CNTN4: variants seen among roughly 807,000 people sequenced by gnomAD.
The protein encoded by CNTN4 is contactin-4.
In CNTN4, 77 loss-of-function variants were observed where a neutral mutation model predicts 122.5. That is an observed-to-expected ratio of 0.63 (90% confidence interval 0.52 to 0.76). CNTN4 has a LOEUF of 0.76. CNTN4 is among the 30% of genes least tolerant of loss of function. CNTN4 has a pLI of 0.00. For synonymous variants in CNTN4, 512 were observed against 447.0 expected (o/e 1.15, Z -1.83); for missense variants, 1,256 against 1,259.1 (o/e 1.00, Z 0.04).
At chr3:2,125,201 T>C (rs2125239257) in intron 2 of CNTN4, among the ~76,000 whole-genome samples, 1 of 152,290 alleles carries the variant, frequency 6.6e-6, no homozygotes, top group South Asian at 2.1e-4. Context: ...CTTATATAAG[T>C]AGAATCACCC....
chr3:2,705,275 G>A (rs1039689286), intron 4 of CNTN4, among the ~76,000 whole-genome samples: 3 of 147,984 alleles, frequency 2.0e-5, no homozygotes, highest in Non-Finnish European at 4.5e-5. Flanking sequence ...AGCTGAGGCA[G>A]GAGAATGGCG....
intron 13 of CNTN4, among the ~76,000 whole-genome samples, chr3:2,943,094 G>A (rs1013859717): frequency 1.3e-5 from 2 of 152,178 alleles, no homozygotes; most frequent in Non-Finnish European, 2.9e-5. Context: ...GTAGGGCAAA[G>A]AGAAACGTGA....
At chr3:2,158,603 A>G (rs751446995) in intron 2 of CNTN4, among the ~76,000 whole-genome samples, 2 of 152,224 alleles carry the variant, frequency 1.3e-5, no homozygotes, top group Admixed American at 1.3e-4. Context: ...ATGGAAGTGA[A>G]TATGTCCACA....
intron 2 of CNTN4, among the ~76,000 whole-genome samples, chr3:2,168,483 A>G (rs2036298875): frequency 6.6e-6 from 1 of 152,152 alleles, no homozygotes; most frequent in South Asian, 2.1e-4. Context: ...AAAAATGTAA[A>G]TGCATCATTC....
At chr3:2,407,098 A>C (rs1340291059) in intron 3 of CNTN4, among the ~76,000 whole-genome samples, 2 of 152,208 alleles carry the variant, frequency 1.3e-5, no homozygotes, top group Admixed American at 6.5e-5. Flanking sequence ...TGAAGTGAAC[A>C]ACTTTTATTT....
chr3:2,141,009 T>C (rs939896216), intron 2 of CNTN4, among the ~76,000 whole-genome samples: 1 of 152,238 alleles, frequency 6.6e-6, no homozygotes, highest in South Asian at 2.1e-4. Context: ...TTACAGGTTA[T>C]GTGAAACTTT....
intron 3 of CNTN4, among the ~76,000 whole-genome samples, chr3:2,353,429 A>G (rs758134102): frequency 2.0e-5 from 3 of 152,094 alleles, no homozygotes; most frequent in Non-Finnish European, 4.4e-5. Flanking sequence ...CACATTGTGG[A>G]AGCTTTGTTC....
Position 2,501,830 on chromosome 3 carries a change from G to A in CNTN4, c.-88-69586G>A, listed in dbSNP as rs138425515. Among the ~76,000 whole-genome samples, 301 of 152,088 alleles carry A rather than the reference G, an allele frequency of 2.0e-3. 1 individual carries two copies. The highest frequency in any genetic ancestry group is 7.0e-3 in the African/African-American group (289 of 41,490). ...CCAAATCTGAAACTTTTTGAGCCTC[G>A]ACATAACACCTAGATTCCACCATTT... On this transcript the variant is annotated intron_variant, in intron 3 of 24. Transcript: ENST00000418658.
intron 4 of CNTN4, among the ~76,000 whole-genome samples, chr3:2,731,549 TG>T (rs1383741958): frequency 2.0e-5 from 3 of 152,212 alleles, no homozygotes; most frequent in Non-Finnish European, 2.9e-5. Flanking sequence ...GGTGAGCTCT[TG>T]GCAATCTTAC....
intron 7 of CNTN4, among the ~76,000 whole-genome samples, chr3:2,854,050 C>G (rs1477142035): frequency 1.3e-5 from 2 of 152,116 alleles, no homozygotes; most frequent in Middle Eastern, 6.3e-3. Context: ...CAAGGCAGAA[C>G]CGGACCATTG....
intron 2 of CNTN4, among the ~76,000 whole-genome samples, chr3:2,153,540 C>T (rs137905761): frequency 6.8e-4 from 104 of 152,194 alleles, no homozygotes; most frequent in Middle Eastern, 3.4e-3. Context: ...CGGAGAGCAA[C>T]TGGAGATAGA....
intron 2 of CNTN4, among the ~76,000 whole-genome samples, chr3:2,206,583 G>A (rs1463613870): frequency 6.6e-6 from 1 of 152,044 alleles, no homozygotes; most frequent in Non-Finnish European, 1.5e-5. Context: ...AGTGATACCA[G>A]GAATGACTTT....
In CNTN4 at chr3:2,226,589, A is replaced by G. The variant is rs571948367; in HGVS notation, c.-144-112589A>G. ...CATTTCATTAATTATGCTCAGAGGT[A>G]GTGGTATCTGAGGCAAACAACCCTT... is the stretch of plus-strand genomic sequence containing the variant. On this transcript the variant is annotated intron_variant, in intron 2 of 24. Coordinates refer to ENST00000418658, the MANE Select transcript of CNTN4 (RefSeq NM_175607.3). Among the ~76,000 whole-genome samples the G allele has an allele frequency of 3.0e-4, 46 of 152,272 alleles. No homozygotes were observed. In the South Asian group the frequency reaches 9.5e-3, roughly 32 times the overall value.
chr3:2,782,724 G>A (rs778697455), intron 6 of CNTN4, among the ~76,000 whole-genome samples: 2 of 152,046 alleles, frequency 1.3e-5, no homozygotes, highest in Non-Finnish European at 2.9e-5. Flanking sequence ...CCCATTCCCT[G>A]GGGCTTTCAG....
chr3:2,694,443 C>G (rs2085909702), intron 4 of CNTN4, among the ~76,000 whole-genome samples: 3 of 152,160 alleles, frequency 2.0e-5, no homozygotes, highest in Admixed American at 2.0e-4. Flanking sequence ...AAAGGACAGT[C>G]AAGAATTGAA....
rs534727843 is a variant in CNTN4, at chr3:2,385,214, C to T, written c.-89+45981C>T. ...ACTCTTTTTAAAAATAATCTGTCTA[C>T]TACTCAACTTTCTACTCAGTTTTTT... On this transcript the variant is annotated intron_variant, in intron 3 of 24. Coordinates refer to ENST00000418658, the MANE Select transcript of CNTN4 (RefSeq NM_175607.3). This position sits in a 1 kb window ranked among gnomAD's most constrained non-coding sequence, Gnocchi z 4.0. 6.6e-6 allele frequency among the ~76,000 whole-genome samples: 1 copy of T among 152,034 alleles called. No homozygotes were observed. The highest frequency in any genetic ancestry group is 6.6e-5 in the Admixed American group (1 of 15,262).
intron 6 of CNTN4, among the ~76,000 whole-genome samples, chr3:2,786,395 T>C (rs9310851): frequency 1 from 152,306 of 152,306 alleles, 76,153 homozygotes; most frequent in Non-Finnish European, 1. Context: ...GCACAGAGTG[T>C]TGCTCCTGCC....
intron 3 of CNTN4, among the ~76,000 whole-genome samples, chr3:2,421,083 G>T (rs907828424): frequency 6.6e-6 from 1 of 152,092 alleles, no homozygotes; most frequent in Non-Finnish European, 1.5e-5. Flanking sequence ...CCTGTTGAAA[G>T]AGTCTGCAGA....
intron 2 of CNTN4, among the ~76,000 whole-genome samples, chr3:2,236,906 G>C (rs750317459): frequency 6.6e-6 from 1 of 152,128 alleles, no homozygotes; most frequent in African/African-American, 2.4e-5. Context: ...AAGAGAGATC[G>C]TGCCAGAAGA....
Sources: gnomAD v4.1 joint callset for allele counts (sites outside exome capture counted in the v4.1 genomes callset) on GRCh38, gnomAD v4.1.1 for gene constraint, Gnocchi (gnomAD v3.1) non-coding constraint, MANE v1.5 for transcripts, NCBI Gene and HGNC (gene_info 2026-07-23, HGNC 2026-07-21) for gene names.